REV3L: variants seen among roughly 807,000 people sequenced by gnomAD.
The protein encoded by REV3L is DNA polymerase zeta catalytic subunit.
REV3L carries 69 observed loss-of-function variants against 299.4 expected under a neutral mutation model. The ratio of observed to expected loss-of-function variants is 0.23; its 90% confidence interval spans 0.19 to 0.28. REV3L has a LOEUF of 0.28. Ranked by LOEUF, REV3L falls within the 10% of genes least tolerant of loss-of-function variation. The probability of loss-of-function intolerance (pLI) is 1.00; values close to 1 mark genes in which losing one functional copy is unlikely to be tolerated. For missense variants in REV3L, 3,128 were observed against 3,693.8 expected, an observed-to-expected ratio of 0.85 and a Z score of 3.97; for synonymous variants, 1,238 against 1,271.4, an observed-to-expected ratio of 0.97 and a Z score of 0.56.
At chr6:111,393,508 C>T (rs1782156151) in intron 4 of REV3L, among the ~76,000 whole-genome samples, 1 of 152,106 alleles carries the variant, frequency 6.6e-6, no homozygotes, top group Admixed American at 6.5e-5. Context: ...GAGAACATTT[C>T]AAATCTTCTC....
chr6:111,327,229 C>T (rs895421226), intron 25 of REV3L, among the ~76,000 whole-genome samples: 4 of 151,908 alleles, frequency 2.6e-5, no homozygotes, highest in Non-Finnish European at 5.9e-5. Flanking sequence ...CTTTTAAAAC[C>T]GAGAGGCAGG....
chr6:111,343,791 A>G lies in REV3L; in HGVS notation c.7538+134T>C, dbSNP rs147031897. On this transcript the variant is annotated intron_variant, in intron 21 of 31. Transcript: ENST00000368802. Reference sequence around the variant, plus strand: ...GTGATGTGCCCGCCTCGGCCTCCCAATGTGCTAGGATTACAGGCGTAAGCC... The same window carrying G: ...GTGATGTGCCCGCCTCGGCCTCCCAGTGTGCTAGGATTACAGGCGTAAGCC... 1.7e-5 allele frequency: 9 copies of G among 528,416 alleles called. 1 individual carries two copies. Among genetic ancestry groups the G allele is most frequent in the South Asian group, 1.3e-4 (3 of 22,896 alleles). 32.7% of individuals were successfully genotyped at this position (528,416 alleles called of 1,614,324 possible). A position where few individuals can be genotyped will look rare whatever the true frequency, so the allele number is the denominator to read the frequency against.
At chr6:111,483,603 C>T, upstream of REV3L, 1 of 450,216 alleles carries the variant, frequency 2.2e-6, no homozygotes, top group Non-Finnish European at 4.4e-6. Context: ...ACTTGCCTCG[C>T]CGACCGCCAT....
At chr6:111,300,194 G>C in intron 31 of REV3L, 38 bp from the exon 32 acceptor site, 2 of 1,521,528 alleles carry the variant, frequency 1.3e-6, no homozygotes, top group Non-Finnish European at 1.8e-6. Context: ...TAATAGGAAA[G>C]TTTTTATGCG....
intron 22 of REV3L, among the ~76,000 whole-genome samples, chr6:111,334,917 TAAC>T (rs1344494444): frequency 2.0e-5 from 3 of 152,178 alleles, no homozygotes; most frequent in Non-Finnish European, 4.4e-5. Flanking sequence ...CCACCGTGCT[TAAC>T]AAACTACAGG....
chr6:111,349,774 T>G (rs1375953616), intron 19 of REV3L, among the ~76,000 whole-genome samples: 1 of 152,162 alleles, frequency 6.6e-6, no homozygotes, highest in Non-Finnish European at 1.5e-5. Flanking sequence ...ATGAGAAAGA[T>G]CCACAGTTAA....
intron 1 of REV3L, among the ~76,000 whole-genome samples, chr6:111,454,104 C>CT (rs77126470): frequency 0.016 from 2,224 of 143,330 alleles, 41 homozygotes; most frequent in East Asian, 0.078. Flanking sequence ...TAATTTCAAA[C>CT]TTTTTTTTTT....
At chr6:111,345,932 T>A (rs1776980953) in intron 20 of REV3L, among the ~76,000 whole-genome samples, 1 of 152,072 alleles carries the variant, frequency 6.6e-6, no homozygotes, top group South Asian at 2.1e-4. Flanking sequence ...GTGTTTATAT[T>A]TTCTCTCAAA....
intron 13 of REV3L, among the ~76,000 whole-genome samples, chr6:111,368,933 T>A (rs1779494536): frequency 6.6e-6 from 1 of 152,178 alleles, no homozygotes. Flanking sequence ...GATTTGAAGC[T>A]GAAAGAAGAG....
intron 18 of REV3L, among the ~76,000 whole-genome samples, chr6:111,355,310 T>C (rs240995): frequency 0.63 from 95,174 of 151,960 alleles, 34,167 homozygotes; most frequent in Non-Finnish European, 0.82. Context: ...GTTTTATGTG[T>C]ATTATCTACC....
chr6:111,462,956 C>G (rs906144457), intron 1 of REV3L, among the ~76,000 whole-genome samples: 2 of 151,658 alleles, frequency 1.3e-5, no homozygotes, highest in Admixed American at 1.3e-4. Flanking sequence ...CATTGCAATT[C>G]GGGGGCTAGT....
intron 26 of REV3L, among the ~76,000 whole-genome samples, chr6:111,322,292 G>A (rs1774271036): frequency 6.6e-6 from 1 of 152,130 alleles, no homozygotes; most frequent in Non-Finnish European, 1.5e-5. Flanking sequence ...AGACTCCTGT[G>A]TACACAGTTA....
chr6:111,390,239 T>G, intron 5 of REV3L, 59 bp from the exon 6 acceptor site: 1 of 1,037,930 alleles, frequency 9.6e-7, no homozygotes, highest in Non-Finnish European at 1.5e-6. Context: ...TTCTAACATT[T>G]TTCTTACTTA....
rs191826733 is a variant in REV3L at position 111,463,126 on chromosome 6, G to C, written c.139+19624C>G. ...CAGCAACAGATTTGCTTAGTTGCAA[G>C]AGTTATCACACTCAGGGAAGTCCAA... On this transcript the variant is annotated intron_variant, in intron 1 of 31. Coordinates refer to ENST00000368802, the MANE Select transcript of REV3L (RefSeq NM_001372078.1). Among the ~76,000 whole-genome samples, 330 of 152,318 alleles carry C rather than the reference G, an allele frequency of 2.2e-3. 1 individual carries two copies. The highest frequency in any genetic ancestry group is 7.5e-3 in the African/African-American group (311 of 41,570).
chr6:111,326,092 A>G (rs1226902815), intron 25 of REV3L, among the ~76,000 whole-genome samples: 2 of 152,162 alleles, frequency 1.3e-5, no homozygotes, highest in Non-Finnish European at 1.5e-5. Context: ...TTTGCAAATG[A>G]CGGGATTTTA....
chr6:111,328,978 G>C (rs751210396), intron 25 of REV3L, among the ~76,000 whole-genome samples: 2 of 152,160 alleles, frequency 1.3e-5, no homozygotes, highest in Non-Finnish European at 2.9e-5. Context: ...TGTTGCCCAG[G>C]CTGGTCTCAA....
chr6:111,459,580 CAAAT>C (rs777186441), intron 1 of REV3L, among the ~76,000 whole-genome samples: 1 of 151,798 alleles, frequency 6.6e-6, no homozygotes, highest in Admixed American at 6.6e-5. Flanking sequence ...AAGTAAAAAA[CAAAT>C]AACCCCATTA....
intron 17 of REV3L, among the ~76,000 whole-genome samples, chr6:111,357,404 T>C (rs770010834): frequency 2.6e-5 from 4 of 152,080 alleles, no homozygotes; most frequent in Non-Finnish European, 5.9e-5. Context: ...GAAAATAACA[T>C]ATCACTGGCT....
intron 1 of REV3L, chr6:111,431,005 A>G: frequency 6.4e-7 from 1 of 1,566,292 alleles, no homozygotes; most frequent in Non-Finnish European, 8.7e-7. Context: ...ACAAAAGAAC[A>G]AAGTCACTCC....
Sources: allele counts gnomAD v4.1 joint callset (sites outside exome capture counted in the v4.1 genomes callset), GRCh38; gene constraint gnomAD v4.1.1; transcripts MANE v1.5; gene names NCBI Gene and HGNC (gene_info 2026-07-23, HGNC 2026-07-21).